The following ROBO2 variants were observed in gnomAD, a reference collection of about 807,000 sequenced individuals.
ROBO2 encodes roundabout guidance receptor 2.
ROBO2 carries 53 observed loss-of-function variants against 160.8 expected under a neutral mutation model. That is an observed-to-expected ratio of 0.33 (90% CI 0.26 to 0.41). The LOEUF (loss-of-function observed/expected upper bound fraction) is 0.41. Among genes scored for constraint, ROBO2 ranks in the 10% least tolerant of loss-of-function variants. The pLI, the probability that ROBO2 is intolerant of heterozygous loss-of-function variation, is 1.00. For missense variants in ROBO2, 1,577 were observed against 1,722.4 expected, an observed-to-expected ratio of 0.92 and a Z score of 1.49; for synonymous variants, 664 against 611.7, an observed-to-expected ratio of 1.09 and a Z score of -1.26.
intron 2 of ROBO2, among the ~76,000 whole-genome samples, chr3:77,212,228 G>C (rs1448410662): frequency 6.6e-6 from 1 of 152,238 alleles, no homozygotes; most frequent in Non-Finnish European, 1.5e-5. Context: ...TCTTCCATTT[G>C]TTTGTATCGT....
At chr3:76,266,309 G>C (rs564454068) in intron 2 of ROBO2, among the ~76,000 whole-genome samples, 76 of 152,172 alleles carry the variant, frequency 5.0e-4, no homozygotes, top group African/African-American at 1.8e-3. Context: ...TTAAAATCAA[G>C]GGTTGACAAA....
intron 2 of ROBO2, among the ~76,000 whole-genome samples, chr3:77,128,987 T>A (rs1312035579): frequency 6.6e-6 from 1 of 152,178 alleles, no homozygotes; most frequent in Admixed American, 6.5e-5. Context: ...TTACTTTTTA[T>A]TTCTAGTGAG....
chr3:77,614,357 G>A (rs922300436), intron 21 of ROBO2, among the ~76,000 whole-genome samples: 1 of 152,118 alleles, frequency 6.6e-6, no homozygotes, highest in Admixed American at 6.5e-5. Context: ...AGAGCAATAT[G>A]TTCTTTAAAT....
intron 2 of ROBO2, among the ~76,000 whole-genome samples, chr3:76,286,774 G>C (rs150422883): frequency 6.6e-6 from 1 of 152,168 alleles, no homozygotes; most frequent in Non-Finnish European, 1.5e-5. Flanking sequence ...CAAATAAGAT[G>C]AGGCGGTAGT....
rs148459144 is a variant in ROBO2, at chr3:77,247,082, G to C, written c.388+148742G>C. Among the ~76,000 whole-genome samples, 109 of 152,272 alleles carry C rather than the reference G, an allele frequency of 7.2e-4. No individual in the cohort carries two copies. In the East Asian group the frequency reaches 0.012, roughly 17 times the overall value. ...AATATTTCACTTTCAGTAAACAATT[G>C]TATCTATTATTTTAGTGGCTATCTA... On this transcript the variant is annotated intron_variant, in intron 2 of 25. Coordinates refer to ENST00000461745, the Ensembl canonical transcript of ROBO2.
chr3:77,502,463 T>C (rs78514710), intron 5 of ROBO2, among the ~76,000 whole-genome samples: 2,701 of 152,262 alleles, frequency 0.018, 75 homozygotes, highest in African/African-American at 0.06. Flanking sequence ...TTAAAACAAA[T>C]CTATTTTTTC....
chr3:77,546,243 A>G lies in ROBO2; in HGVS notation c.935-95A>G. 6 of 1,335,302 alleles carry G rather than the reference A, an allele frequency of 4.5e-6. No homozygotes were observed. The South Asian group carries it at 5.9e-5, about 13-fold the overall frequency. 82.7% of individuals were successfully genotyped at this position (1,335,302 alleles called of 1,614,324 possible). On this transcript the variant is annotated intron_variant, in intron 6 of 25. Coordinates refer to ENST00000461745, the Ensembl canonical transcript of ROBO2. Reference sequence around the variant, plus strand: ...TAAAAAACTGTAGTCTCTCTCTGGCACTGAACAGTCAACATAGTACCATAT... The same window carrying G: ...TAAAAAACTGTAGTCTCTCTCTGGCGCTGAACAGTCAACATAGTACCATAT...
intron 22 of ROBO2, 101 bp from the exon 24 acceptor site, chr3:77,622,126 G>A: frequency 9.7e-7 from 1 of 1,028,418 alleles, no homozygotes; most frequent in South Asian, 1.5e-5. Context: ...TGGAAAGGAA[G>A]AAGACAGTAT....
intron 2 of ROBO2, among the ~76,000 whole-genome samples, chr3:76,909,088 G>A (rs2075802033): frequency 2.0e-5 from 3 of 152,096 alleles, no homozygotes; most frequent in African/African-American, 4.8e-5. Context: ...GCTGGGCTTA[G>A]TGGCGCACAC....
chr3:77,317,588 T>C, intron 2 of ROBO2: 1 of 1,277,084 alleles, frequency 7.8e-7, no homozygotes, highest in Admixed American at 1.9e-5. Context: ...AAGATCGGCA[T>C]ACGTGGGTGG....
At chr3:77,294,685 G>A (rs1386672075) in intron 2 of ROBO2, among the ~76,000 whole-genome samples, 26 of 149,236 alleles carry the variant, frequency 1.7e-4, no homozygotes, top group Admixed American at 4.0e-4. Flanking sequence ...ATGGTTAAAC[G>A]GGTAAGCTGA....
chr3:77,158,224 T>G (rs544934565), intron 2 of ROBO2, among the ~76,000 whole-genome samples: 6 of 152,214 alleles, frequency 3.9e-5, no homozygotes, highest in Admixed American at 3.9e-4. Context: ...CAACATTGGG[T>G]AGAACTCATT....
intron 2 of ROBO2, among the ~76,000 whole-genome samples, chr3:77,418,328 T>C (rs1022850715): frequency 1.3e-4 from 20 of 152,272 alleles, no homozygotes; most frequent in African/African-American, 4.1e-4. Flanking sequence ...ATATTGACTC[T>C]GCAACATATT....
chr3:76,526,072 G>A (rs1684821603), intron 2 of ROBO2, among the ~76,000 whole-genome samples: 1 of 151,924 alleles, frequency 6.6e-6, no homozygotes, highest in African/African-American at 2.4e-5. Context: ...GTCTTGATTA[G>A]CTGAGTTCCC....
chr3:76,090,125 C>CA (rs1182988383), intron 2 of ROBO2, among the ~76,000 whole-genome samples: 1 of 152,074 alleles, frequency 6.6e-6, no homozygotes. Flanking sequence ...AAAATATGTA[C>CA]AAAATCTATG....
chr3:77,227,329 A>G (rs1416144856), intron 2 of ROBO2, among the ~76,000 whole-genome samples: 1 of 152,082 alleles, frequency 6.6e-6, no homozygotes, highest in Non-Finnish European at 1.5e-5. Flanking sequence ...CAACTTTTTC[A>G]TTTTGCCTTT....
At chr3:76,913,776 T>C (rs1398337186) in intron 2 of ROBO2, among the ~76,000 whole-genome samples, 2 of 152,200 alleles carry the variant, frequency 1.3e-5, no homozygotes, top group African/African-American at 4.8e-5. Flanking sequence ...AATACTCCTT[T>C]AGATGAGTAA....
intron 21 of ROBO2, among the ~76,000 whole-genome samples, chr3:77,609,495 A>C (rs73845739): frequency 0.065 from 9,855 of 152,006 alleles, 476 homozygotes; most frequent in East Asian, 0.2. Flanking sequence ...TATATGCATA[A>C]AGTCTTGAAC....
Position 77,454,786 on chromosome 3 carries a change from A to T in ROBO2, c.389-22628A>T, listed in dbSNP as rs1030594206. On this transcript the variant is annotated intron_variant, in intron 2 of 25. Coordinates refer to ENST00000461745, the Ensembl canonical transcript of ROBO2. ...GTGTCTTCTCTTTTTCAATTTATTT[A>T]TGTTATTTGTTTATATCCATTCATT... Among the ~76,000 whole-genome samples the T allele has an allele frequency of 3.2e-4, 49 of 152,164 alleles. 2 individuals are homozygous for T. Among genetic ancestry groups the T allele is most frequent in the Admixed American group, 3.2e-3 (49 of 15,280 alleles).
Sources: allele counts gnomAD v4.1 joint callset (sites outside exome capture counted in the v4.1 genomes callset), GRCh38; gene constraint gnomAD v4.1.1; transcripts MANE v1.5; gene names NCBI Gene and HGNC (gene_info 2026-07-23, HGNC 2026-07-21).